Variants in PASD1 observed in about 807,000 individuals in gnomAD.
PASD1 encodes the protein PAS domain containing repressor 1.
PASD1 carries 13 observed loss-of-function variants against 58.8 expected under a neutral mutation model. That is an observed-to-expected ratio of 0.22 (90% CI 0.14 to 0.35). PASD1 has a LOEUF of 0.35. PASD1 is among the 10% of genes least tolerant of loss of function. The pLI, the probability that PASD1 is intolerant of heterozygous loss-of-function variation, is 1.00. For synonymous variants in PASD1, 236 were observed against 216.7 expected, an observed-to-expected ratio of 1.09 and a Z score of -0.78; for missense variants, 734 against 568.3, an observed-to-expected ratio of 1.29 and a Z score of -2.96.
At chrX:151,590,371 C>G (rs1054741281) in intron 1 of PASD1, among the ~76,000 whole-genome samples, 2 of 111,162 alleles carry the variant, frequency 1.8e-5, no homozygotes, top group African/African-American at 6.6e-5. Flanking sequence ...TTCCTAGTCC[C>G]CTAGGTTTGC....
At chrX:151,621,686 A>G in intron 6 of PASD1, 94 bp downstream of exon 6, 1 of 512,492 alleles carries the variant, frequency 2.0e-6, no homozygotes, top group Non-Finnish European at 3.1e-6. Context: ...GTACTTGCAA[A>G]CTGTCTGATA....
Position 151,676,303 on chromosome X carries a change from T to G in PASD1, c.*160T>G, listed in dbSNP as rs1206941031. On this transcript the variant is annotated 3_prime_UTR_variant, in exon 16 of 16. Coordinates refer to ENST00000370357, the MANE Select transcript of PASD1 (RefSeq NM_173493.3). Reference sequence around the variant, plus strand: ...CTGATAGGTTATGTTTGTAATTGTTTGTTAAGCACAGCCTGTTTCTTGGAA... The same window carrying G: ...CTGATAGGTTATGTTTGTAATTGTTGGTTAAGCACAGCCTGTTTCTTGGAA... The G allele has an allele frequency of 7.5e-6, 4 of 530,329 alleles. No homozygotes were observed. In the South Asian group the frequency reaches 1.4e-4, roughly 18 times the overall value. 43.7% of individuals were successfully genotyped at this position (530,329 alleles called of 1,213,427 possible).
At chrX:151,659,967 T>C in intron 10 of PASD1, 131 bp downstream of exon 10, 1 of 556,677 alleles carries the variant, frequency 1.8e-6, no homozygotes, top group Non-Finnish European at 2.6e-6. Context: ...CCAACTTTCT[T>C]CATCTTCTGT....
intron 8 of PASD1, among the ~76,000 whole-genome samples, chrX:151,632,827 T>C (rs1431791679): frequency 9.0e-6 from 1 of 111,212 alleles, no homozygotes; most frequent in South Asian, 3.8e-4. Context: ...ATGTTCTTTA[T>C]CTATAAATGA....
At chrX:151,619,473 A>G (rs778783085) in intron 4 of PASD1, among the ~76,000 whole-genome samples, 1 of 111,495 alleles carries the variant, frequency 9.0e-6, no homozygotes, top group Admixed American at 9.6e-5. Flanking sequence ...CCTAATGACT[A>G]TAAGCCCTGG....
chrX:151,627,701 A>G (rs1212625926), intron 8 of PASD1, among the ~76,000 whole-genome samples: 1 of 111,653 alleles, frequency 9.0e-6, no homozygotes, highest in African/African-American at 3.3e-5. Flanking sequence ...ATGATTTATA[A>G]TCCTTTGGGT....
chrX:151,662,155 T>C lies in PASD1; in HGVS notation c.842-1964T>C, dbSNP rs770657925. The stretch of plus-strand genomic sequence containing the variant: ...AATTTTTTATTTCCCTCGTTTTTTG[T>C]ATATTTATTAACTGCAATCTTGCTG... On this transcript the variant is annotated intron_variant, in intron 10 of 15. Coordinates refer to ENST00000370357, the MANE Select transcript of PASD1 (RefSeq NM_173493.3). Among the ~76,000 whole-genome samples the C allele has an allele frequency of 3.2e-4, 36 of 112,534 alleles. 1 individual carries two copies. Among genetic ancestry groups the C allele is most frequent in the South Asian group, 2.6e-3 (7 of 2,734 alleles).
intron 1 of PASD1, among the ~76,000 whole-genome samples, chrX:151,598,817 T>A (rs1373855224): frequency 9.1e-6 from 1 of 110,370 alleles, no homozygotes; most frequent in Admixed American, 9.6e-5. Context: ...ACTGATAGAT[T>A]ATTATTATTA....
intron 4 of PASD1, among the ~76,000 whole-genome samples, chrX:151,619,349 A>G (rs2013676210): frequency 1.8e-5 from 2 of 111,511 alleles, no homozygotes; most frequent in South Asian, 3.8e-4. Flanking sequence ...TTGAAATCCG[A>G]TTAGACATCC....
At chrX:151,616,596 C>T (rs769112735) in intron 4 of PASD1, among the ~76,000 whole-genome samples, 1 of 110,347 alleles carries the variant, frequency 9.1e-6, no homozygotes, top group Non-Finnish European at 1.9e-5. Context: ...CTCCTACTCA[C>T]CCTACTCTGT....
chrX:151,636,694 G>C (rs902637914), intron 8 of PASD1, among the ~76,000 whole-genome samples: 1 of 111,816 alleles, frequency 8.9e-6, no homozygotes, highest in Non-Finnish European at 1.9e-5. Flanking sequence ...ATGAGCCACC[G>C]TGCCCAGCCT....
At chrX:151,638,766 G>A (rs919921072) in intron 8 of PASD1, among the ~76,000 whole-genome samples, 10 of 110,973 alleles carry the variant, frequency 9.0e-5, no homozygotes, top group African/African-American at 3.3e-4. Flanking sequence ...ATTCATTACC[G>A]AACCAAGACC....
chrX:151,577,002 G>A (rs1025340829), intron 1 of PASD1, among the ~76,000 whole-genome samples: 11 of 111,414 alleles, frequency 9.9e-5, no homozygotes, highest in Admixed American at 4.8e-4. Context: ...CCAGCTATGC[G>A]GCTCGTCAAT....
intron 1 of PASD1, among the ~76,000 whole-genome samples, chrX:151,574,041 TCTAA>T (rs1426203374): frequency 8.9e-6 from 1 of 112,385 alleles, no homozygotes; most frequent in Non-Finnish European, 1.9e-5. Context: ...CTCAAACCTG[TCTAA>T]CTAAGTGGGT....
At position 151,602,371 on chromosome X, in the gene PASD1, A is replaced by G. The variant is rs1463421572; in HGVS notation, c.28+790A>G. On this transcript the variant is annotated intron_variant, in intron 2 of 15. Transcript: ENST00000370357. Reference sequence around the variant, plus strand: ...TAACAAACAACCATAGGGATCTTGTAAAAACCTAACATGTCACTCTCCTGC... The same window carrying G: ...TAACAAACAACCATAGGGATCTTGTGAAAACCTAACATGTCACTCTCCTGC... Among the ~76,000 whole-genome samples the G allele has an allele frequency of 8.1e-5, 9 of 111,268 alleles. No homozygotes were observed. In the East Asian group the frequency reaches 2.3e-3, roughly 28 times the overall value.
chrX:151,582,311 T>G (rs912218352), intron 1 of PASD1, among the ~76,000 whole-genome samples: 1 of 110,677 alleles, frequency 9.0e-6, no homozygotes, highest in Admixed American at 9.6e-5. Context: ...AAAGTCTCAC[T>G]CTGTCACCTA....
At chrX:151,653,791 T>C (rs866331030) in intron 9 of PASD1, among the ~76,000 whole-genome samples, 1,483 of 16,197 alleles carry the variant, frequency 0.092, 151 homozygotes, top group Non-Finnish European at 0.13. Flanking sequence ...TCTTTCTTTC[T>C]TTCTTTCTTT....
intron 8 of PASD1, among the ~76,000 whole-genome samples, chrX:151,645,312 C>G (rs902640028): frequency 6.3e-5 from 7 of 111,964 alleles, no homozygotes; most frequent in African/African-American, 9.7e-5. Context: ...TTTCCTGACT[C>G]TCTGCCACAA....
At chrX:151,671,345 A>G in intron 12 of PASD1, 149 bp downstream of exon 12, 2 of 742,688 alleles carry the variant, frequency 2.7e-6, no homozygotes, top group Non-Finnish European at 3.9e-6. Flanking sequence ...GATATGGGAT[A>G]TCTAATGTGA....
Sources: gnomAD v4.1 joint callset for allele counts (sites outside exome capture counted in the v4.1 genomes callset) on GRCh38, gnomAD v4.1.1 for gene constraint, MANE v1.5 for transcripts, NCBI Gene and HGNC (gene_info 2026-07-23, HGNC 2026-07-21) for gene names.